Variants in TANK observed in about 807,000 individuals in gnomAD.
TANK encodes TRAF family member-associated NF-kappa-B activator.
A neutral mutation model predicts 43.6 loss-of-function variants in TANK; 15 were observed. The ratio of observed to expected loss-of-function variants is 0.34; its 90% confidence interval spans 0.23 to 0.53. The LOEUF (loss-of-function observed/expected upper bound fraction) is 0.53, where lower values mean the gene tolerates loss of function less well. Among genes scored for constraint, TANK ranks in the 20% least tolerant of loss-of-function variants. TANK has a pLI of 0.94. For synonymous variants in TANK, 162 were observed against 178.2 expected (o/e 0.91, Z 0.73); for missense variants, 417 against 498.6 (o/e 0.84, Z 1.56).
chr2:161,200,927 C>A, intron 2 of TANK: 1 of 191,620 alleles, frequency 5.2e-6, no homozygotes, highest in Non-Finnish European at 9.6e-6. Flanking sequence ...TTTGTTTATT[C>A]AACTAATATT....
At chr2:161,159,505 T>C (rs1684314543), upstream of TANK, among the ~76,000 whole-genome samples, 1 of 152,260 alleles carries the variant, frequency 6.6e-6, no homozygotes, top group African/African-American at 2.4e-5. Flanking sequence ...AGTTTCTGTT[T>C]GTTAAAAACA....
At chr2:161,173,358 A>C (rs1344412445) in intron 1 of TANK, among the ~76,000 whole-genome samples, 1 of 152,156 alleles carries the variant, frequency 6.6e-6, no homozygotes, top group Non-Finnish European at 1.5e-5. Flanking sequence ...TTTCAGAATG[A>C]ATGTACTTTG....
At chr2:161,156,116 C>T (rs1684219869), upstream of TANK, 2 of 985,334 alleles carry the variant, frequency 2.0e-6, no homozygotes, top group South Asian at 9.4e-5. Flanking sequence ...TGGTTGCCGT[C>T]TCTGTTCTAT....
intron 2 of TANK, among the ~76,000 whole-genome samples, chr2:161,188,856 C>T (rs1685786054): frequency 6.6e-6 from 1 of 152,228 alleles, no homozygotes; most frequent in Non-Finnish European, 1.5e-5. Context: ...GCCATGAGGT[C>T]TCTGCCCCCC....
intron 2 of TANK, among the ~76,000 whole-genome samples, chr2:161,182,920 G>A (rs1484779176): frequency 6.6e-6 from 1 of 152,122 alleles, no homozygotes; most frequent in Non-Finnish European, 1.5e-5. Context: ...GTGAGAGGAG[G>A]GCAGGAGAAG....
At position 161,201,093 on chromosome 2, in the gene TANK, G is replaced by A. The variant is rs1376138254; in HGVS notation, c.100-2394G>A. On this transcript the variant is annotated intron_variant, in intron 2 of 7. Transcript: ENST00000392749. ...ACTGCTAAATACAAGTATGTGAAAA[G>A]TGTAGGAGGAAAACATGGACTCTTG... 5 of 985,134 alleles carry A rather than the reference G, an allele frequency of 5.1e-6. No homozygotes were observed. In the Admixed American group the frequency reaches 3.1e-4, roughly 61 times the overall value. The allele number at this position is 985,134 out of a possible 1,614,324, so 61.0% of individuals were successfully genotyped here.
At chr2:161,181,430 C>A (rs1210275706) in intron 2 of TANK, among the ~76,000 whole-genome samples, 4 of 151,890 alleles carry the variant, frequency 2.6e-5, no homozygotes, top group Non-Finnish European at 5.9e-5. Flanking sequence ...CAAAAAACAA[C>A]AACAACAACA....
chr2:161,159,627 C>T (rs1684319254), upstream of TANK, among the ~76,000 whole-genome samples: 1 of 152,138 alleles, frequency 6.6e-6, no homozygotes, highest in Non-Finnish European at 1.5e-5. Context: ...GACTTACTGG[C>T]CTAAGGAAAG....
At chr2:161,229,893 G>T (rs1687822201) in intron 6 of TANK, among the ~76,000 whole-genome samples, 1 of 152,100 alleles carries the variant, frequency 6.6e-6, no homozygotes, top group South Asian at 2.1e-4. Flanking sequence ...GCTTAATTTG[G>T]CTTTTTCTAG....
chr2:161,214,992 G>A (rs1687055939), intron 4 of TANK, among the ~76,000 whole-genome samples: 2 of 152,090 alleles, frequency 1.3e-5, no homozygotes, highest in African/African-American at 4.8e-5. Context: ...TGTCCAAGAG[G>A]GAGACATTAC....
At chr2:161,184,931 T>C (rs1178824796) in intron 2 of TANK, among the ~76,000 whole-genome samples, 1 of 152,180 alleles carries the variant, frequency 6.6e-6, no homozygotes, top group Non-Finnish European at 1.5e-5. Flanking sequence ...TATTGTATCC[T>C]TAAATGTGGA....
chr2:161,232,709 A>C lies in TANK; in HGVS notation c.1101+1158A>C, dbSNP rs1183968720. ...TGCTTGTTACTTTTTTCTCTATTAT[A>C]TGTCTTGCTTGTTCTTTTACTAGTC... is the stretch of plus-strand genomic sequence containing the variant. On this transcript the variant is annotated intron_variant, in intron 7 of 7. Coordinates refer to ENST00000392749, the MANE Select transcript of TANK (RefSeq NM_001199135.3). 3 of 1,543,352 alleles carry C rather than the reference A, an allele frequency of 1.9e-6. No individual in the cohort carries two copies. The East Asian group carries it at 7.4e-5, about 38-fold the overall frequency.
At chr2:161,222,401 A>G (rs147894980) in intron 4 of TANK, among the ~76,000 whole-genome samples, 102 of 152,256 alleles carry the variant, frequency 6.7e-4, no homozygotes, top group Non-Finnish European at 1.2e-3. Flanking sequence ...ATTATCAAAT[A>G]TAAGTATTTT....
At chr2:161,158,821 T>C (rs1442790746), upstream of TANK, among the ~76,000 whole-genome samples, 1 of 152,140 alleles carries the variant, frequency 6.6e-6, no homozygotes, top group Non-Finnish European at 1.5e-5. Flanking sequence ...AAAGGACTTA[T>C]CAAAAATACA....
chr2:161,185,250 C>T (rs1317875080), intron 2 of TANK, among the ~76,000 whole-genome samples: 4 of 152,192 alleles, frequency 2.6e-5, no homozygotes, highest in Non-Finnish European at 4.4e-5. Context: ...CACTGGTTAG[C>T]AGTACCAGAT....
intron 1 of TANK, among the ~76,000 whole-genome samples, chr2:161,153,729 C>T (rs927057023): frequency 6.7e-6 from 1 of 150,178 alleles, no homozygotes; most frequent in Non-Finnish European, 1.5e-5. Context: ...CATGTAGAAC[C>T]ACCTACTAAG....
chr2:161,210,166 A>G (rs927344838), intron 4 of TANK, among the ~76,000 whole-genome samples: 17 of 152,312 alleles, frequency 1.1e-4, no homozygotes, highest in African/African-American at 4.1e-4. Flanking sequence ...GGTTTAGAAT[A>G]GTATAAACAG....
chr2:161,198,877 G>C (rs1461022252), intron 2 of TANK, among the ~76,000 whole-genome samples: 1 of 152,150 alleles, frequency 6.6e-6, no homozygotes, highest in Non-Finnish European at 1.5e-5. Flanking sequence ...GATAAATCTT[G>C]GTACTGGAGG....
intron 2 of TANK, among the ~76,000 whole-genome samples, chr2:161,202,594 A>C (rs1227769114): frequency 6.6e-6 from 1 of 152,186 alleles, no homozygotes; most frequent in Non-Finnish European, 1.5e-5. Context: ...TGAAATATCT[A>C]GTATCTACTG....
Sources: gnomAD v4.1 joint callset for allele counts (sites outside exome capture counted in the v4.1 genomes callset) on GRCh38, gnomAD v4.1.1 for gene constraint, MANE v1.5 for transcripts, NCBI Gene and HGNC (gene_info 2026-07-23, HGNC 2026-07-21) for gene names.